The following VASP variants were observed in gnomAD, a reference collection of about 807,000 sequenced individuals.
VASP encodes the protein vasodilator-stimulated phosphoprotein.
Under a neutral mutation model 54.4 loss-of-function variants are expected in VASP, and 27 were observed. The observed-to-expected ratio is 0.50, with a 90% confidence interval of 0.37 to 0.68. The LOEUF (loss-of-function observed/expected upper bound fraction) is 0.68, where lower values mean the gene tolerates loss of function less well. Ranked by LOEUF, VASP falls within the 30% of genes least tolerant of loss-of-function variation. The probability of loss-of-function intolerance (pLI) is 0.00; values close to 1 mark genes in which losing one functional copy is unlikely to be tolerated. For missense variants in VASP, 488 were observed against 528.3 expected (o/e 0.92, Z 0.75); for synonymous variants, 233 against 209.8 (o/e 1.11, Z -0.96).
intron 1 of VASP, among the ~76,000 whole-genome samples, chr19:45,517,150 A>T (rs1344406868): frequency 2.0e-5 from 3 of 150,252 alleles, no homozygotes; most frequent in East Asian, 2.0e-4. Context: ...ACAAAAATAA[A>T]AATAATAATA....
intron 1 of VASP, among the ~76,000 whole-genome samples, chr19:45,514,514 C>T (rs930374979): frequency 6.6e-6 from 1 of 152,194 alleles, no homozygotes; most frequent in African/African-American, 2.4e-5. Flanking sequence ...AGCCACCGTT[C>T]CCCGCCCCAC....
intron 7 of VASP, among the ~76,000 whole-genome samples, chr19:45,523,120 A>C (rs941395622): frequency 4.6e-5 from 7 of 150,572 alleles, no homozygotes. Flanking sequence ...CACCCTCGGA[A>C]TCTTACTGTT....
intron 2 of VASP, 43 bp from the exon 3 acceptor site, chr19:45,517,886 C>A: frequency 6.3e-7 from 1 of 1,581,536 alleles, no homozygotes; most frequent in Non-Finnish European, 8.6e-7. Flanking sequence ...CCCGCCCCAC[C>A]CCTGCGCCCG....
rs374473025 is a variant in VASP at position 45,514,740 on chromosome 19, G to A, written c.6-2923G>A. ...TCGGCCCTGGGTGTGGGTGGCAGGT[G>A]TGGGTGAGGCCGAGGCCTTAACCCT... On this transcript the variant is annotated intron_variant, in intron 1 of 12. Transcript: ENST00000245932. Among the ~76,000 whole-genome samples the A allele has an allele frequency of 1.5e-3, 223 of 152,308 alleles. 8 individuals are homozygous for A. In the South Asian group the frequency reaches 0.045, roughly 31 times the overall value.
At chr19:45,524,301 C>T (rs1968911996) in intron 10 of VASP, 159 bp downstream of exon 10, 1 of 861,814 alleles carries the variant, frequency 1.2e-6, no homozygotes, top group African/African-American at 1.7e-5. Flanking sequence ...ACTCAGGAGG[C>T]TGAGGTGGGA....
intron 11 of VASP, chr19:45,525,700 A>AG (rs1444048252): frequency 2.5e-6 from 1 of 401,900 alleles, no homozygotes; most frequent in African/African-American, 2.1e-5. Context: ...TGTTTCAAAA[A>AG]AAAAAAGAAA....
intron 1 of VASP, among the ~76,000 whole-genome samples, chr19:45,515,733 TCAC>T (rs536602666): frequency 9.5e-4 from 145 of 152,190 alleles, no homozygotes; most frequent in African/African-American, 3.2e-3. Context: ...AGACGGGATT[TCAC>T]CATGTTGCCC....
intron 1 of VASP, among the ~76,000 whole-genome samples, chr19:45,509,530 C>CCACCACCAG (rs969990854): frequency 6.6e-6 from 1 of 151,192 alleles, no homozygotes; most frequent in African/African-American, 2.4e-5. Flanking sequence ...ACCACCACCA[C>CCACCACCAG]CACCACCAGC....
At position 45,507,804 on chromosome 19, in the gene VASP, C is replaced by T; in HGVS notation, c.5+28C>T. 7.3e-7 allele frequency: 1 copy of T among 1,360,958 alleles called. No individual in the cohort carries two copies. The highest frequency in any genetic ancestry group is 1.6e-5 in the South Asian group (1 of 61,900). 84.3% of individuals were successfully genotyped at this position (1,360,958 alleles called of 1,614,324 possible). ...GAGCCGGACCTGCCCCCCGACCCGT[C>T]CCCGCCCGGGCGGGCTCCGCGCCCC... On this transcript the variant is annotated intron_variant, in intron 1 of 12. Coordinates refer to ENST00000245932, the MANE Select transcript of VASP (RefSeq NM_003370.4). This position sits in a 1 kb window ranked among gnomAD's most constrained non-coding sequence, Gnocchi z 4.4.
At chr19:45,524,806 G>GGCGACC in intron 11 of VASP, 146 bp downstream of exon 11, 7 of 721,936 alleles carry the variant, frequency 9.7e-6, no homozygotes, top group South Asian at 6.9e-5. Flanking sequence ...GGTCAAGGAT[G>GGCGACC]ACCGAGACTC....
intron 1 of VASP, among the ~76,000 whole-genome samples, chr19:45,515,476 G>T (rs1968683322): frequency 6.6e-6 from 1 of 152,190 alleles, no homozygotes; most frequent in South Asian, 2.1e-4. Context: ...TGGTGCCCAT[G>T]AGAGGGATGT....
In VASP at chr19:45,524,105, C is replaced by G; in HGVS notation, c.919C>G (p.Arg307Gly). ...TTCTTGCCTATCCCCAGAATCTGTG[C>G]GGAGACCCTGGGAGAAGAACAGCAC... is the stretch of plus-strand genomic sequence containing the variant. ...ARVPAQSESV[R>G]RPWEKNSTTL... Residue 307 changes from arginine to glycine, a missense_variant, in exon 10 of 13, where the codon CGG becomes GGG. Coordinates refer to ENST00000245932, the MANE Select transcript of VASP (RefSeq NM_003370.4). 1 of 1,613,882 alleles carries G rather than the reference C, an allele frequency of 6.2e-7. No individual in the cohort carries two copies.
rs1202948501 is a variant in VASP at position 45,526,343 on chromosome 19, C to G, written c.*166C>G. On this transcript the variant is annotated 3_prime_UTR_variant, in exon 13 of 13. Transcript: ENST00000245932. ...TCCAAGGGGGTGTGGCTTCCCTGCT[C>G]ACACCCACACTGGCTGCTGATTGGC... 2.6e-6 allele frequency: 2 copies of G among 772,732 alleles called. No individual in the cohort carries two copies. Among genetic ancestry groups the G allele is most frequent in the East Asian group, 3.0e-5 (1 of 32,938 alleles). The allele number at this position is 772,732 out of a possible 1,614,324, so 47.9% of individuals were successfully genotyped here. A position where few individuals can be genotyped will look rare whatever the true frequency, so the allele number is the denominator to read the frequency against.
chr19:45,517,900 C>A (rs753714912), intron 2 of VASP, 29 bp from the exon 3 acceptor site: 1 of 1,596,038 alleles, frequency 6.3e-7, no homozygotes. Context: ...GCGCCCGCCG[C>A]CCCTCACCCC....
At chr19:45,525,622 C>T (rs1178814465) in intron 11 of VASP, among the ~76,000 whole-genome samples, 3 of 152,066 alleles carry the variant, frequency 2.0e-5, no homozygotes, top group African/African-American at 4.8e-5. Flanking sequence ...CGCTTGAACC[C>T]GGGAGCCAGA....
Position 45,526,234 on chromosome 19 carries a change from C to A in VASP, c.*57C>A. On this transcript the variant is annotated 3_prime_UTR_variant, in exon 13 of 13. Transcript: ENST00000245932. ...TCCGCACACCCGGCCTGTCACCCTG[C>A]TTTCCCTGCCTCTACTTGACTTGGA... The A allele has an allele frequency of 6.4e-7, 1 of 1,560,666 alleles. No individual in the cohort carries two copies. Among genetic ancestry groups the A allele is most frequent in the Non-Finnish European group, 8.6e-7 (1 of 1,157,394 alleles).
intron 2 of VASP, 45 bp downstream of exon 2, chr19:45,517,879 G>A (rs781780134): frequency 2.7e-5 from 28 of 1,035,068 alleles, no homozygotes; most frequent in Non-Finnish European, 3.3e-5. Context: ...ACCCCTACCC[G>A]CCCCACCCCT....
At chr19:45,522,250 G>T (rs1968853307) in intron 5 of VASP, 33 bp downstream of exon 5, 1 of 1,614,048 alleles carries the variant, frequency 6.2e-7, no homozygotes. Context: ...AGTTGGGAGG[G>T]GGCCTCCCTG....
chr19:45,508,228 G>A (rs1968527668), intron 1 of VASP, among the ~76,000 whole-genome samples: 1 of 152,184 alleles, frequency 6.6e-6, no homozygotes, highest in Admixed American at 6.5e-5. Context: ...CCCTGGGTGT[G>A]CAGGTCCCCC....
Sources: gnomAD v4.1 joint callset for allele counts (sites outside exome capture counted in the v4.1 genomes callset) on GRCh38, gnomAD v4.1.1 for gene constraint, Gnocchi (gnomAD v3.1) non-coding constraint, MANE v1.5 for transcripts, NCBI Gene and HGNC (gene_info 2026-07-23, HGNC 2026-07-21) for gene names.